RNF217: variants seen among roughly 807,000 people sequenced by gnomAD.
RNF217 encodes ring finger protein 217.
RNF217 carries 31 observed loss-of-function variants against 57.8 expected under a neutral mutation model. The ratio of observed to expected loss-of-function variants is 0.54; its 90% CI spans 0.40 to 0.72. The LOEUF is 0.72. Ranked by LOEUF, RNF217 falls within the 30% of genes least tolerant of loss-of-function variation. RNF217 has a pLI of 0.00. For missense variants in RNF217, 696 were observed against 708.3 expected (o/e 0.98, Z 0.20); for synonymous variants, 313 against 294.0 (o/e 1.06, Z -0.66).
intron 1 of RNF217, among the ~76,000 whole-genome samples, chr6:125,040,111 T>A (rs913229686): frequency 6.6e-6 from 1 of 151,186 alleles, no homozygotes; most frequent in South Asian, 2.1e-4. Flanking sequence ...TTGAAGGAGA[T>A]AGAGACATGA....
intron 1 of RNF217, among the ~76,000 whole-genome samples, chr6:125,035,720 T>C (rs1582735987): frequency 2.0e-5 from 3 of 152,290 alleles, no homozygotes; most frequent in Admixed American, 2.0e-4. Context: ...GAAATCTTAC[T>C]CTTTCCCAAG....
chr6:125,003,686 A>G (rs1383926563), intron 1 of RNF217, among the ~76,000 whole-genome samples: 1 of 152,128 alleles, frequency 6.6e-6, no homozygotes, highest in African/African-American at 2.4e-5. Context: ...ATATCACATT[A>G]TACCTTATAA....
intron 1 of RNF217, among the ~76,000 whole-genome samples, chr6:124,970,156 T>C (rs780827661): frequency 3.3e-5 from 5 of 152,124 alleles, no homozygotes; most frequent in Non-Finnish European, 7.4e-5. Flanking sequence ...AAGTAAAATG[T>C]TGTAAGAAGA....
intron 1 of RNF217, among the ~76,000 whole-genome samples, chr6:124,987,185 T>C (rs185708015): frequency 1.8e-3 from 279 of 152,358 alleles, no homozygotes; most frequent in Non-Finnish European, 3.1e-3. Context: ...AGCTCCTCAG[T>C]TGCACAGTCA....
At chr6:125,082,690 A>G (rs1788618402) in intron 5 of RNF217, 174 bp from the exon 6 acceptor site, 4 of 1,367,660 alleles carry the variant, frequency 2.9e-6, no homozygotes, top group Non-Finnish European at 4.0e-6. Context: ...AGGGGAGAAA[A>G]GCTAAAGGGA....
At chr6:125,030,837 A>G (rs1786323537) in intron 1 of RNF217, among the ~76,000 whole-genome samples, 1 of 151,296 alleles carries the variant, frequency 6.6e-6, no homozygotes, top group South Asian at 2.1e-4. Flanking sequence ...GCTCCACTAG[A>G]CGGTGCCCCA....
chr6:124,974,610 A>T (rs1028316218), intron 1 of RNF217, among the ~76,000 whole-genome samples: 1 of 152,220 alleles, frequency 6.6e-6, no homozygotes, highest in African/African-American at 2.4e-5. Context: ...AGTATATCAA[A>T]ATTACAGCTT....
chr6:125,007,083 G>C (rs185931455), intron 1 of RNF217, among the ~76,000 whole-genome samples: 6 of 152,248 alleles, frequency 3.9e-5, no homozygotes, highest in Non-Finnish European at 7.3e-5. Context: ...TTGTTATCCA[G>C]TTCACAAATT....
intron 3 of RNF217, among the ~76,000 whole-genome samples, chr6:125,068,852 T>C (rs1788034275): frequency 6.6e-6 from 1 of 151,922 alleles, no homozygotes; most frequent in Non-Finnish European, 1.5e-5. Context: ...ATTTGGTAAA[T>C]ATGAAAAGGT....
At chr6:125,026,564 A>G (rs1165991916) in intron 1 of RNF217, among the ~76,000 whole-genome samples, 1 of 152,184 alleles carries the variant, frequency 6.6e-6, no homozygotes, top group Non-Finnish European at 1.5e-5. Context: ...AGTACTCCAC[A>G]TTTCTGTGTA....
At chr6:124,964,258 A>G (rs978710440) in intron 1 of RNF217, among the ~76,000 whole-genome samples, 1 of 152,112 alleles carries the variant, frequency 6.6e-6, no homozygotes, top group African/African-American at 2.4e-5. Flanking sequence ...CCTGTGTCCA[A>G]TTGTCCTAGG....
At chr6:125,016,869 C>T (rs555671037) in intron 1 of RNF217, among the ~76,000 whole-genome samples, 20 of 152,040 alleles carry the variant, frequency 1.3e-4, no homozygotes, top group South Asian at 6.2e-4. Context: ...GGCCATGGCA[C>T]GCGTATACCT....
At chr6:124,999,483 G>A (rs996547663) in intron 1 of RNF217, among the ~76,000 whole-genome samples, 1 of 150,286 alleles carries the variant, frequency 6.7e-6, no homozygotes, top group Non-Finnish European at 1.5e-5. Context: ...CTTTAAAATT[G>A]TGGTTCAAAC....
intron 2 of RNF217, 83 bp from the exon 3 acceptor site, chr6:125,057,859 A>G: frequency 8.1e-7 from 1 of 1,232,658 alleles, no homozygotes; most frequent in Non-Finnish European, 1.1e-6. Flanking sequence ...CTTTTAGCTA[A>G]TTTCCCCAAG....
Position 124,963,041 on chromosome 6 carries a change from T to A in RNF217, c.497T>A (p.Val166Glu). ...GCCAAGAGACAAGTCTTCTGCTCCGTGTACTGCGTGGAGAGCGACCTGCCC... is the reference window on the plus strand; with the variant it reads ...GCCAAGAGACAAGTCTTCTGCTCCGAGTACTGCGTGGAGAGCGACCTGCCC... The part of the protein sequence containing the change: ...SLAKRQVFCS[V>E]YCVESDLPEA... Residue 166 changes from valine to glutamate, a missense_variant, in exon 1 of 6, where the codon GTG becomes GAG. Coordinates refer to ENST00000521654, the MANE Select transcript of RNF217 (RefSeq NM_001286398.3). The A allele has an allele frequency of 6.3e-7, 1 of 1,586,558 alleles. No homozygotes were observed.
intron 2 of RNF217, among the ~76,000 whole-genome samples, chr6:125,052,260 A>G (rs1443759044): frequency 1.3e-5 from 2 of 150,618 alleles, no homozygotes; most frequent in African/African-American, 2.5e-5. Flanking sequence ...CCATATCTCA[A>G]TATAGCTTAC....
chr6:125,052,308 GT>G (rs1562486922), intron 2 of RNF217, among the ~76,000 whole-genome samples: 6 of 142,488 alleles, frequency 4.2e-5, no homozygotes, highest in African/African-American at 1.8e-4. Flanking sequence ...GTGTGTGTGT[GT>G]GTGTGTGTGT....
chr6:124,986,890 A>G (rs552778902), intron 1 of RNF217, among the ~76,000 whole-genome samples: 1 of 152,296 alleles, frequency 6.6e-6, no homozygotes, highest in East Asian at 1.9e-4. Flanking sequence ...TTCTTTTGAG[A>G]TAATGTTTTG....
At chr6:124,983,444 A>T in intron 1 of RNF217, 1 of 984,622 alleles carries the variant, frequency 1.0e-6, no homozygotes, top group Non-Finnish European at 1.2e-6. Context: ...GTGAATTTAG[A>T]GCCTGAGTGA....
Sources: allele counts gnomAD v4.1 joint callset (sites outside exome capture counted in the v4.1 genomes callset), GRCh38; gene constraint gnomAD v4.1.1; transcripts MANE v1.5; gene names NCBI Gene and HGNC (gene_info 2026-07-23, HGNC 2026-07-21).